Variants in TULP4 observed in about 807,000 individuals in gnomAD.
The protein encoded by TULP4 is TUB like protein 4.
A neutral mutation model predicts 129.0 loss-of-function variants in TULP4; 16 were observed. The ratio of observed to expected loss-of-function variants is 0.12; its 90% CI spans 0.08 to 0.19. TULP4 has a LOEUF of 0.19. TULP4 is among the 10% of genes least tolerant of loss of function. The pLI is 1.00. For synonymous variants in TULP4, 998 were observed against 854.0 expected (o/e 1.17, Z -2.94); for missense variants, 1,842 against 2,059.1 (o/e 0.89, Z 2.04).
Position 158,506,768 on chromosome 6 carries a change from C to A in TULP4, c.*74C>A. 5 of 1,065,902 alleles carry A rather than the reference C, an allele frequency of 4.7e-6. No individual in the cohort carries two copies. The highest frequency in any genetic ancestry group is 5.7e-6 in the Non-Finnish European group (4 of 698,170). The allele number at this position is 1,065,902 out of a possible 1,614,324, so 66.0% of individuals were successfully genotyped here. ...TCTTCGGAGATGCCAGAGGAGCCCT[C>A]TAGGGGTCCGATGCCTGGGAGGACC... is the stretch of plus-strand genomic sequence containing the variant. On this transcript the variant is annotated 3_prime_UTR_variant, in exon 14 of 14. Transcript: ENST00000367097.
chr6:158,410,266 C>A (rs1778064538), intron 1 of TULP4, among the ~76,000 whole-genome samples: 1 of 152,222 alleles, frequency 6.6e-6, no homozygotes, highest in African/African-American at 2.4e-5. Flanking sequence ...CATTAGAAAT[C>A]ATTTAAAAAT....
At position 158,256,096 on chromosome 6, in the gene TULP4, C is replaced by A. The variant is rs546623230; in HGVS notation, n.68+23793C>A. Among the ~76,000 whole-genome samples the A allele has an allele frequency of 8.9e-4, 136 of 152,340 alleles. No homozygotes were observed. In the Middle Eastern group the frequency reaches 0.01, roughly 11 times the overall value. ...TAACTCTCTAGTTACTTAAGCTACT[C>A]CTCCTGAAGAACACCTTGGCTTAAC... is the stretch of plus-strand genomic sequence containing the variant. On this transcript the variant is annotated intron_variant and non_coding_transcript_variant, in intron 1 of 1. Coordinates refer to the TULP4 transcript ENST00000620026.
chr6:158,505,256 T>G (rs576318341), intron 13 of TULP4, among the ~76,000 whole-genome samples: 1 of 152,348 alleles, frequency 6.6e-6, no homozygotes, highest in South Asian at 2.1e-4. Context: ...CCCTCTCTAC[T>G]TAAATTCACG....
chr6:158,351,347 T>C (rs1157836476), intron 1 of TULP4, among the ~76,000 whole-genome samples: 2 of 152,216 alleles, frequency 1.3e-5, no homozygotes, highest in Non-Finnish European at 2.9e-5. Context: ...CTCAGTTCTC[T>C]GTGAAGTCTT....
At chr6:158,428,448 A>G (rs1168264080) in intron 2 of TULP4, 1 of 152,242 alleles carries the variant, frequency 6.6e-6, no homozygotes, top group African/African-American at 2.4e-5. Flanking sequence ...ATAAAAGACA[A>G]TACCTCTAAA....
upstream of TULP4, among the ~76,000 whole-genome samples, chr6:158,309,273 C>T (rs1376146207): frequency 2.1e-5 from 3 of 140,852 alleles, no homozygotes; most frequent in Non-Finnish European, 4.7e-5. Context: ...CGGGCAGAGG[C>T]ACTCCTCACA....
At chr6:158,245,755 G>A (rs9348190) in intron 1 of TULP4, among the ~76,000 whole-genome samples, 50,001 of 152,024 alleles carry the variant, frequency 0.33, 9,216 homozygotes, top group Admixed American at 0.45. Context: ...ACCAATCTGG[G>A]AAGGTACCCA....
At chr6:158,444,109 A>G (rs1778971816) in intron 3 of TULP4, among the ~76,000 whole-genome samples, 1 of 151,254 alleles carries the variant, frequency 6.6e-6, no homozygotes, top group Non-Finnish European at 1.5e-5. Context: ...AGTCCCAGCT[A>G]CTCGGGAGGC....
In TULP4 at chr6:158,509,871, TTTCA is replaced by T. The variant is rs1780697453; in HGVS notation, c.*3182_*3185del. On this transcript the variant is annotated 3_prime_UTR_variant, in exon 14 of 14. Coordinates refer to ENST00000367097, the MANE Select transcript of TULP4 (RefSeq NM_020245.5). ...GTGGTGGTCTTATTTTCAACTATGCTTTCATTCAGTCAGTCTCTGTTGACTAAAT... is the reference window on the plus strand; with the variant it reads ...GTGGTGGTCTTATTTTCAACTATGCTTTCAGTCAGTCTCTGTTGACTAAAT... The T allele has an allele frequency of 1.6e-5, 2 of 126,118 alleles. No individual in the cohort carries two copies. The highest frequency in any genetic ancestry group is 7.7e-5 in the Admixed American group (1 of 13,036). 7.8% of individuals were successfully genotyped at this position (126,118 alleles called of 1,614,324 possible).
At chr6:158,420,238 T>A (rs1057473911) in intron 2 of TULP4, among the ~76,000 whole-genome samples, 2 of 152,324 alleles carry the variant, frequency 1.3e-5, no homozygotes, top group East Asian at 1.9e-4. Context: ...TAACAAAATA[T>A]CATTCTTCTT....
chr6:158,460,847 C>A (rs617773), intron 5 of TULP4, among the ~76,000 whole-genome samples: 63,057 of 151,380 alleles, frequency 0.42, 14,364 homozygotes, highest in African/African-American at 0.62. Flanking sequence ...GGAGTGGAGG[C>A]CACAGCAGTG....
chr6:158,409,211 G>C (rs909444594), intron 1 of TULP4, among the ~76,000 whole-genome samples: 1 of 152,166 alleles, frequency 6.6e-6, no homozygotes, highest in Non-Finnish European at 1.5e-5. Flanking sequence ...GCTTTCTGCA[G>C]TTCTGCCCTA....
intron 1 of TULP4, chr6:158,237,913 T>C: frequency 1.4e-6 from 1 of 730,968 alleles, no homozygotes; most frequent in Non-Finnish European, 2.6e-6. Flanking sequence ...TTTTGGATTT[T>C]GTTTCCATAG....
intron 1 of TULP4, among the ~76,000 whole-genome samples, chr6:158,349,192 G>T (rs1273267834): frequency 1.6e-3 from 229 of 140,794 alleles, no homozygotes; most frequent in African/African-American, 5.7e-3. Flanking sequence ...CGGCAGAGGC[G>T]CTCCTCACCT....
intron 1 of TULP4, among the ~76,000 whole-genome samples, chr6:158,361,666 C>G (rs1780791912): frequency 6.6e-6 from 1 of 152,134 alleles, no homozygotes; most frequent in Non-Finnish European, 1.5e-5. Context: ...AATATATGTA[C>G]TTTCTCATTG....
At chr6:158,246,276 T>C (rs568536315) in intron 1 of TULP4, among the ~76,000 whole-genome samples, 1 of 151,870 alleles carries the variant, frequency 6.6e-6, no homozygotes, top group East Asian at 1.9e-4. Flanking sequence ...CTGAGGTGGG[T>C]GGATTACGAG....
intron 8 of TULP4, among the ~76,000 whole-genome samples, chr6:158,485,613 C>T (rs141900146): frequency 7.9e-5 from 12 of 152,344 alleles, no homozygotes; most frequent in African/African-American, 2.6e-4. Flanking sequence ...AGGTCCACCT[C>T]CTCAGTTTCA....
At chr6:158,442,174 A>G (rs1303160290) in intron 3 of TULP4, among the ~76,000 whole-genome samples, 1 of 152,088 alleles carries the variant, frequency 6.6e-6, no homozygotes, top group African/African-American at 2.4e-5. Context: ...TGCTTGCACC[A>G]CTATTCCCCA....
In TULP4 at chr6:158,313,852, T is replaced by C; in HGVS notation, c.-165T>C. ...TTTTTCACTATGCATTCGGTGGATC[T>C]TTATAAAATACTGACCTTCTAATTA... On this transcript the variant is annotated 5_prime_UTR_variant, in exon 1 of 14. Transcript: ENST00000367097. 2.7e-6 allele frequency: 2 copies of C among 738,720 alleles called. No homozygotes were observed. 45.8% of individuals were successfully genotyped at this position (738,720 alleles called of 1,614,324 possible). A position where few individuals can be genotyped will look rare whatever the true frequency, so the allele number is the denominator to read the frequency against.
Sources: allele counts gnomAD v4.1 joint callset (sites outside exome capture counted in the v4.1 genomes callset), GRCh38; gene constraint gnomAD v4.1.1; transcripts MANE v1.5; gene names NCBI Gene and HGNC (gene_info 2026-07-23, HGNC 2026-07-21).